Variants in ARHGAP25 observed in about 807,000 individuals in gnomAD.
ARHGAP25 encodes Rho GTPase activating protein 25.
ARHGAP25 carries 34 observed loss-of-function variants against 71.0 expected under a neutral mutation model. The ratio of observed to expected loss-of-function variants is 0.48; its 90% CI spans 0.36 to 0.64. ARHGAP25 has a LOEUF of 0.64. ARHGAP25 is among the 30% of genes least tolerant of loss of function. The pLI is 0.00. For missense variants in ARHGAP25, 706 were observed against 805.1 expected, an observed-to-expected ratio of 0.88 and a Z score of 1.49; for synonymous variants, 282 against 296.5, an observed-to-expected ratio of 0.95 and a Z score of 0.50.
chr2:68,816,771 A>C (rs906998208), intron 7 of ARHGAP25: 1 of 162,372 alleles, frequency 6.2e-6, no homozygotes, highest in African/African-American at 2.4e-5. Flanking sequence ...CCCTGTGGCA[A>C]CTCTAGCTGT....
intron 2 of ARHGAP25, among the ~76,000 whole-genome samples, chr2:68,781,427 C>T (rs76159362): frequency 0.032 from 4,829 of 152,140 alleles, 100 homozygotes; most frequent in Admixed American, 0.061. Context: ...GTGAAATGCA[C>T]TGTAAGTGAT....
intron 6 of ARHGAP25, 80 bp downstream of exon 6, chr2:68,813,499 G>A (rs1680983149): frequency 6.7e-7 from 1 of 1,495,020 alleles, no homozygotes; most frequent in Admixed American, 2.2e-5. Context: ...GGCAACAGTG[G>A]GTCAAGGGGC....
chr2:68,726,243 T>C (rs1674881175), intron 2 of ARHGAP25, among the ~76,000 whole-genome samples: 1 of 152,192 alleles, frequency 6.6e-6, no homozygotes, highest in African/African-American at 2.4e-5. Flanking sequence ...TTATATTTGT[T>C]GAATGAATGA....
At chr2:68,750,567 C>G (rs548868639) in intron 1 of ARHGAP25, among the ~76,000 whole-genome samples, 2 of 152,164 alleles carry the variant, frequency 1.3e-5, no homozygotes, top group African/African-American at 4.8e-5. Flanking sequence ...GTGATCCTCC[C>G]GCCTCGGCCT....
At chr2:68,720,736 T>A (rs1674743533) in intron 2 of ARHGAP25, among the ~76,000 whole-genome samples, 1 of 152,188 alleles carries the variant, frequency 6.6e-6, no homozygotes. Flanking sequence ...CCCCCTCTCC[T>A]ACCTACCCCT....
intron 2 of ARHGAP25, chr2:68,775,648 A>G (rs575094325): frequency 4.3e-6 from 3 of 695,106 alleles, no homozygotes; most frequent in Admixed American, 4.2e-5. Flanking sequence ...GGAGTTTCCT[A>G]CACATGGCTC....
chr2:68,761,166 A>G (rs1676792362), intron 1 of ARHGAP25, among the ~76,000 whole-genome samples: 1 of 152,062 alleles, frequency 6.6e-6, no homozygotes, highest in South Asian at 2.1e-4. Flanking sequence ...AAATGATGCT[A>G]GGAAAACTGG....
rs775007219 is a variant in ARHGAP25 at position 68,817,892 on chromosome 2, C to T, written c.901C>T (p.Leu301=). Reference sequence around the variant, plus strand: ...CTGTAGGTTCCTACATGAAATACAGCTGAACTGTGCTGTTAACAAGATGAG... The same window carrying T: ...CTGTAGGTTCCTACATGAAATACAGTTGAACTGTGCTGTTAACAAGATGAG... The part of the protein sequence containing the change: ...YICRFLHEIQ[L]NCAVNKMSVD... Residue 301 remains leucine, a synonymous_variant, in exon 8 of 11, where the codon CTG becomes TTG. Transcript: ENST00000409202. 9.9e-6 allele frequency: 16 copies of T among 1,614,020 alleles called. No individual in the cohort carries two copies. In the Admixed American group the frequency reaches 2.7e-4, roughly 27 times the overall value.
chr2:68,812,394 A>C (rs1433804884), intron 5 of ARHGAP25, among the ~76,000 whole-genome samples: 2 of 152,200 alleles, frequency 1.3e-5, no homozygotes, highest in East Asian at 3.8e-4. Flanking sequence ...TAAATGGAGA[A>C]GCTGAACTGA....
intron 2 of ARHGAP25, among the ~76,000 whole-genome samples, chr2:68,718,969 G>C (rs755211222): frequency 2.6e-5 from 4 of 152,052 alleles, no homozygotes; most frequent in South Asian, 2.1e-4. Context: ...AAGCCTACAT[G>C]ATGAAGCCTC....
At chr2:68,775,036 G>A in intron 1 of ARHGAP25, 185 bp from the exon 2 acceptor site, 2 of 1,509,006 alleles carry the variant, frequency 1.3e-6, no homozygotes, top group East Asian at 2.3e-5. Flanking sequence ...CCGGGAGCTG[G>A]CCCCTCGGCT....
At chr2:68,761,803 G>A (rs1023426646) in intron 1 of ARHGAP25, among the ~76,000 whole-genome samples, 1 of 152,106 alleles carries the variant, frequency 6.6e-6, no homozygotes, top group African/African-American at 2.4e-5. Flanking sequence ...AAATGTTACA[G>A]CTACTATGGA....
chr2:68,730,939 T>A (rs1675006835), upstream of ARHGAP25, among the ~76,000 whole-genome samples: 2 of 152,198 alleles, frequency 1.3e-5, no homozygotes, highest in African/African-American at 4.8e-5. Context: ...AGGGAACCAT[T>A]TCCTGCTCCC....
intron 3 of ARHGAP25, among the ~76,000 whole-genome samples, chr2:68,783,444 GT>G (rs968816647): frequency 6.6e-6 from 1 of 150,406 alleles, no homozygotes; most frequent in Admixed American, 6.6e-5. Context: ...TTGCTTGTTT[GT>G]TTTTTTTGTT....
chr2:68,790,448 C>T (rs775495950), intron 4 of ARHGAP25, among the ~76,000 whole-genome samples: 35 of 152,138 alleles, frequency 2.3e-4, no homozygotes, highest in African/African-American at 5.6e-4. Context: ...TGACGTGTCC[C>T]GTGGGCCCAG....
At chr2:68,824,568 A>T (rs556928642) in intron 10 of ARHGAP25, among the ~76,000 whole-genome samples, 7 of 152,204 alleles carry the variant, frequency 4.6e-5, no homozygotes, top group African/African-American at 7.2e-5. Flanking sequence ...CGGTGAAACC[A>T]TGTCTCTCCT....
chr2:68,774,751 A>T, intron 1 of ARHGAP25: 1 of 1,013,734 alleles, frequency 9.9e-7, no homozygotes, highest in Non-Finnish European at 1.2e-6. Flanking sequence ...CCGCTGTGGA[A>T]GAGTGCCCAG....
In ARHGAP25 at chr2:68,799,344, G is replaced by A. The variant is rs553316022; in HGVS notation, c.467-7929G>A. Reference sequence around the variant, plus strand: ...TGTTTGCCATCTCCTGGGTATGTCTGATAGGGTTGCTGCACTATTTACTGT... The same window carrying A: ...TGTTTGCCATCTCCTGGGTATGTCTAATAGGGTTGCTGCACTATTTACTGT... On this transcript the variant is annotated intron_variant, in intron 4 of 10. Transcript: ENST00000409202. 3.9e-5 allele frequency among the ~76,000 whole-genome samples: 6 copies of A among 152,304 alleles called. No homozygotes were observed. The South Asian group carries it at 6.2e-4, about 16-fold the overall frequency.
At chr2:68,736,881 C>G (rs1311506034) in intron 1 of ARHGAP25, among the ~76,000 whole-genome samples, 1 of 152,058 alleles carries the variant, frequency 6.6e-6, no homozygotes, top group Admixed American at 6.6e-5. Context: ...AGGAAGAATT[C>G]CTGCTGTAGG....
Sources: allele counts gnomAD v4.1 joint callset (sites outside exome capture counted in the v4.1 genomes callset), GRCh38; gene constraint gnomAD v4.1.1; transcripts MANE v1.5; gene names NCBI Gene and HGNC (gene_info 2026-07-23, HGNC 2026-07-21).